MYRFL: variants seen among roughly 807,000 people sequenced by gnomAD.
MYRFL encodes the protein myelin regulatory factor-like protein.
A neutral mutation model predicts 109.4 loss-of-function variants in MYRFL; 88 were observed. That is an observed-to-expected ratio of 0.80 (90% CI 0.68 to 0.96). The LOEUF (loss-of-function observed/expected upper bound fraction) is 0.96, where lower values mean the gene tolerates loss of function less well. MYRFL is among the 40% of genes least tolerant of loss of function. MYRFL has a pLI of 0.00. For missense variants in MYRFL, 957 were observed against 954.9 expected (o/e 1.00, Z -0.03); for synonymous variants, 324 against 320.9 (o/e 1.01, Z -0.10).
chr12:69,862,429 C>A (rs1274243219), intron 2 of MYRFL, among the ~76,000 whole-genome samples: 1 of 151,874 alleles, frequency 6.6e-6, no homozygotes, highest in African/African-American at 2.4e-5. Flanking sequence ...TTTCATTGAG[C>A]AGTGGTTTGT....
intron 2 of MYRFL, among the ~76,000 whole-genome samples, chr12:69,875,354 T>C (rs1885597182): frequency 6.6e-6 from 1 of 152,194 alleles, no homozygotes. Flanking sequence ...TTTTGATTTC[T>C]TTGCTGAGAT....
At chr12:69,910,107 G>A in intron 12 of MYRFL, 30 bp downstream of exon 12, 1 of 1,399,096 alleles carries the variant, frequency 7.1e-7, no homozygotes, top group Non-Finnish European at 9.5e-7. Context: ...TTTTAATTTT[G>A]TATTGCCAAC....
At chr12:69,907,019 C>A (rs1052992204) in intron 11 of MYRFL, among the ~76,000 whole-genome samples, 2 of 152,172 alleles carry the variant, frequency 1.3e-5, no homozygotes, top group African/African-American at 4.8e-5. Flanking sequence ...ACTCAACAGG[C>A]ATTGAAGAGC....
At chr12:69,883,099 T>G (rs988549220) in intron 5 of MYRFL, among the ~76,000 whole-genome samples, 1 of 152,226 alleles carries the variant, frequency 6.6e-6, no homozygotes, top group Non-Finnish European at 1.5e-5. Context: ...TTTTACATTC[T>G]CACTTCTGTT....
At chr12:69,887,646 A>G (rs1592759016) in intron 6 of MYRFL, among the ~76,000 whole-genome samples, 1 of 152,226 alleles carries the variant, frequency 6.6e-6, no homozygotes, top group East Asian at 1.9e-4. Flanking sequence ...TCATTGGGCT[A>G]TAACTTAAGT....
chr12:69,891,240 A>G (rs1886780706), intron 7 of MYRFL, 74 bp downstream of exon 7: 2 of 1,110,220 alleles, frequency 1.8e-6, no homozygotes, highest in Non-Finnish European at 2.4e-6. Flanking sequence ...CTGCATGACA[A>G]ACTATCCCAA....
intron 2 of MYRFL, among the ~76,000 whole-genome samples, chr12:69,856,340 A>G (rs1370024557): frequency 6.6e-6 from 1 of 152,144 alleles, no homozygotes; most frequent in Non-Finnish European, 1.5e-5. Flanking sequence ...AGTTTTGGCA[A>G]TTGTAAATCA....
At chr12:69,912,711 C>T (rs1452605995) in intron 13 of MYRFL, among the ~76,000 whole-genome samples, 1 of 152,070 alleles carries the variant, frequency 6.6e-6, no homozygotes, top group African/African-American at 2.4e-5. Flanking sequence ...TGTTGATGAA[C>T]TCTTGGGTTG....
intron 2 of MYRFL, among the ~76,000 whole-genome samples, chr12:69,860,229 C>G (rs1343195655): frequency 6.6e-6 from 1 of 152,154 alleles, no homozygotes; most frequent in East Asian, 1.9e-4. Flanking sequence ...CATTAGTTTG[C>G]TGAGGATAAT....
At chr12:69,924,190 GA>G (rs543542332) in intron 13 of MYRFL, among the ~76,000 whole-genome samples, 6,835 of 79,946 alleles carry the variant, frequency 0.085, 180 homozygotes, top group Middle Eastern at 0.18. Flanking sequence ...CTCCGTCTCA[GA>G]AAAAAAAAAA....
rs1354315251 is a variant in MYRFL at position 69,825,309 on chromosome 12, G to A, written c.-209G>A. On this transcript the variant is annotated 5_prime_UTR_variant, in exon 1 of 25. Transcript: ENST00000552032. ...ATGAATTTTTTTTAAATGTATGGTT[G>A]TATATCCTTCCAGTTTTATAATCAC... 2.9e-6 allele frequency: 2 copies of A among 692,758 alleles called. No homozygotes were observed. Among genetic ancestry groups the A allele is most frequent in the Non-Finnish European group, 5.3e-6 (2 of 379,260 alleles). The allele number at this position is 692,758 out of a possible 1,614,324, so 42.9% of individuals were successfully genotyped here.
chr12:69,867,095 C>T (rs981826148), intron 2 of MYRFL, among the ~76,000 whole-genome samples: 3 of 152,224 alleles, frequency 2.0e-5, no homozygotes, highest in Non-Finnish European at 2.9e-5. Flanking sequence ...TTGCCCTTAA[C>T]TCTTTATTTC....
At chr12:69,933,116 C>T (rs1955321292) in intron 16 of MYRFL, among the ~76,000 whole-genome samples, 1 of 152,192 alleles carries the variant, frequency 6.6e-6, no homozygotes, top group African/African-American at 2.4e-5. Context: ...GTAGCCAAAT[C>T]TACTAAGCAG....
At chr12:69,885,214 T>G (rs534978529) in intron 5 of MYRFL, among the ~76,000 whole-genome samples, 11 of 152,146 alleles carry the variant, frequency 7.2e-5, no homozygotes, top group African/African-American at 2.7e-4. Context: ...GGAAAAAAAG[T>G]TTTTCAGTGT....
At chr12:69,902,086 G>C (rs1954214016) in intron 10 of MYRFL, among the ~76,000 whole-genome samples, 1 of 151,888 alleles carries the variant, frequency 6.6e-6, no homozygotes, top group Admixed American at 6.6e-5. Flanking sequence ...TAGAGATGGG[G>C]CTTCACCATG....
In MYRFL at chr12:69,859,407, A is replaced by G. The variant is rs902536053; in HGVS notation, c.137+4037A>G. 3.9e-5 allele frequency among the ~76,000 whole-genome samples: 6 copies of G among 152,166 alleles called. No individual in the cohort carries two copies. The South Asian group carries it at 6.2e-4, about 16-fold the overall frequency. On this transcript the variant is annotated intron_variant, in intron 2 of 24. Transcript: ENST00000552032. ...TCTATATCCTTGCTGATTGCTTTCT[A>G]CTAATTTTATCTACGACAGTGACAG...
chr12:69,898,539 G>T (rs1954079493), intron 10 of MYRFL, among the ~76,000 whole-genome samples: 1 of 152,198 alleles, frequency 6.6e-6, no homozygotes, highest in Admixed American at 6.5e-5. Flanking sequence ...GGCCATCTTT[G>T]ACATCTTATT....
In MYRFL at chr12:69,879,374, A is replaced by AC; in HGVS notation, c.391dup (p.Leu131ProfsTer59). 2 of 702,430 alleles carry AC rather than the reference A, an allele frequency of 2.8e-6. No homozygotes were observed. The highest frequency in any genetic ancestry group is 5.2e-6 in the Non-Finnish European group (2 of 384,728). The allele number at this position is 702,430 out of a possible 1,614,324, so 43.5% of individuals were successfully genotyped here. A position where few individuals can be genotyped will look rare whatever the true frequency, so the allele number is the denominator to read the frequency against. ...CCACTCAAACGCCAGTCATCTTGCC[A>AC]CCCCCCTGGACCAATCCGTGTCCTC... On this transcript the variant is annotated frameshift_variant, in exon 4 of 25. Coordinates refer to ENST00000552032, the MANE Select transcript of MYRFL (RefSeq NM_182530.3). LOFTEE classifies it high-confidence loss of function.
At chr12:69,871,135 A>G (rs1885324511) in intron 2 of MYRFL, among the ~76,000 whole-genome samples, 1 of 152,082 alleles carries the variant, frequency 6.6e-6, no homozygotes, top group African/African-American at 2.4e-5. Context: ...TGTATATAGC[A>G]TATAATAGGA....
Sources: gnomAD v4.1 joint callset for allele counts (sites outside exome capture counted in the v4.1 genomes callset) on GRCh38, gnomAD v4.1.1 for gene constraint, MANE v1.5 for transcripts, NCBI Gene and HGNC (gene_info 2026-07-23, HGNC 2026-07-21) for gene names.